The following APBA2 variants were observed in gnomAD, a reference collection of about 807,000 sequenced individuals.
The protein encoded by APBA2 is amyloid beta precursor protein binding family A member 2.
A neutral mutation model predicts 75.0 loss-of-function variants in APBA2; 30 were observed. That is an observed-to-expected ratio of 0.40 (90% CI 0.30 to 0.54). The LOEUF (loss-of-function observed/expected upper bound fraction) is 0.54. Ranked by LOEUF, APBA2 falls within the 20% of genes least tolerant of loss-of-function variation. The pLI, the probability that APBA2 is intolerant of heterozygous loss-of-function variation, is 0.49. For missense variants in APBA2, 801 were observed against 1,016.1 expected, an observed-to-expected ratio of 0.79 and a Z score of 2.88; for synonymous variants, 444 against 409.6, an observed-to-expected ratio of 1.08 and a Z score of -1.01.
At chr15:29,000,549 T>C (rs1161715967) in intron 3 of APBA2, among the ~76,000 whole-genome samples, 1 of 152,126 alleles carries the variant, frequency 6.6e-6, no homozygotes, top group African/African-American at 2.4e-5. Context: ...GGCCTCACCC[T>C]TGTACAGGTG....
intron 2 of APBA2, among the ~76,000 whole-genome samples, chr15:28,982,924 A>G (rs992673530): frequency 6.6e-6 from 1 of 152,240 alleles, no homozygotes; most frequent in Non-Finnish European, 1.5e-5. Flanking sequence ...GTCTATGTAG[A>G]AATGAAATAA....
chr15:28,965,623 G>A (rs997501500), intron 2 of APBA2, among the ~76,000 whole-genome samples: 1 of 151,946 alleles, frequency 6.6e-6, no homozygotes, highest in African/African-American at 2.4e-5. Context: ...TCAGTATTTA[G>A]GTCTTTGATT....
At chr15:28,989,472 C>T (rs1015677600) in intron 2 of APBA2, among the ~76,000 whole-genome samples, 3 of 152,188 alleles carry the variant, frequency 2.0e-5, no homozygotes, top group Middle Eastern at 6.3e-3. Context: ...TGTGGCCACA[C>T]GGGGCTGTAT....
intron 13 of APBA2, among the ~76,000 whole-genome samples, chr15:29,113,423 C>A (rs571466494): frequency 2.0e-5 from 3 of 152,294 alleles, no homozygotes; most frequent in Non-Finnish European, 2.9e-5. Flanking sequence ...GCAAACAGAG[C>A]CTTCCCTTGA....
At chr15:28,895,182 C>T (rs1567413878) in intron 1 of APBA2, among the ~76,000 whole-genome samples, 1 of 152,222 alleles carries the variant, frequency 6.6e-6, no homozygotes, top group Non-Finnish European at 1.5e-5. Context: ...AACTTACCCT[C>T]GGCACACAGG....
At chr15:29,073,857 A>T (rs2042731074) in intron 4 of APBA2, among the ~76,000 whole-genome samples, 1 of 152,184 alleles carries the variant, frequency 6.6e-6, no homozygotes, top group African/African-American at 2.4e-5. Flanking sequence ...AATATACCTA[A>T]CCTTAAATTT....
Position 29,054,703 on chromosome 15 carries a change from C to T in APBA2, c.819C>T (p.Ser273=). Residue 273 remains serine (S), a synonymous_variant, in exon 4 of 15, where the codon AGC becomes AGT. Coordinates refer to ENST00000683413, the MANE Select transcript of APBA2 (RefSeq NM_001353788.2). This position sits in a 1 kb window ranked among gnomAD's most constrained non-coding sequence, Gnocchi z 6.1. ...EACPPIKASC[S]PSRHEARPKS... is the part of the protein sequence containing the mutation. ...GCCCACCCATCAAGGCCAGCTGCAG[C>T]CCCAGCAGGCACGAGGCGAGGCCCA... The T allele has an allele frequency of 6.2e-7, 1 of 1,613,880 alleles. No homozygotes were observed. The highest frequency in any genetic ancestry group is 8.5e-7 in the Non-Finnish European group (1 of 1,180,002).
chr15:28,938,684 T>G (rs921426872), intron 2 of APBA2, among the ~76,000 whole-genome samples: 4 of 152,152 alleles, frequency 2.6e-5, no homozygotes, highest in Non-Finnish European at 4.4e-5. Context: ...AATTTTTGTA[T>G]TTTTAGTAGA....
At chr15:29,088,659 GCT>G (rs1197791317) in intron 6 of APBA2, among the ~76,000 whole-genome samples, 1 of 152,144 alleles carries the variant, frequency 6.6e-6, no homozygotes, top group Non-Finnish European at 1.5e-5. Flanking sequence ...CCTCTCAGCT[GCT>G]CTCCCTTCTT....
intron 2 of APBA2, among the ~76,000 whole-genome samples, chr15:28,932,103 C>G (rs1202754835): frequency 2.0e-5 from 3 of 152,146 alleles, no homozygotes; most frequent in African/African-American, 7.2e-5. Context: ...GGATCACTGT[C>G]TCTGCTTTGG....
At chr15:28,922,762 G>T (rs1308408704) in intron 2 of APBA2, among the ~76,000 whole-genome samples, 4 of 152,158 alleles carry the variant, frequency 2.6e-5, no homozygotes, top group Non-Finnish European at 4.4e-5. Flanking sequence ...ATCCTAACCT[G>T]CCCAGCCTGT....
intron 4 of APBA2, among the ~76,000 whole-genome samples, chr15:29,059,436 G>A (rs903553414): frequency 6.6e-6 from 1 of 152,118 alleles, no homozygotes; most frequent in African/African-American, 2.4e-5. Flanking sequence ...GTGGAGGAAT[G>A]GCTAAATTTG....
chr15:29,049,596 A>G (rs2041501459), intron 3 of APBA2, among the ~76,000 whole-genome samples: 1 of 151,842 alleles, frequency 6.6e-6, no homozygotes, highest in Admixed American at 6.6e-5. Flanking sequence ...AAATACAGGC[A>G]CCTCTTCACA....
At chr15:28,946,625 C>T (rs1173484715) in intron 2 of APBA2, among the ~76,000 whole-genome samples, 1 of 152,208 alleles carries the variant, frequency 6.6e-6, no homozygotes, top group African/African-American at 2.4e-5. Context: ...GTCATCCAGG[C>T]TGGAGTGCAG....
intron 3 of APBA2, among the ~76,000 whole-genome samples, chr15:29,020,174 GGT>G (rs2039878722): frequency 6.6e-6 from 1 of 151,940 alleles, no homozygotes; most frequent in Admixed American, 6.6e-5. Flanking sequence ...TGAGTGTTTG[GGT>G]GTGTGGGTAT....
At chr15:29,074,602 A>G (rs1595897251) in intron 4 of APBA2, among the ~76,000 whole-genome samples, 1 of 152,336 alleles carries the variant, frequency 6.6e-6, no homozygotes, top group Admixed American at 6.5e-5. Context: ...TGGTTGTACG[A>G]CAGTGTGAAT....
chr15:28,942,642 C>T (rs1222987837), intron 2 of APBA2, among the ~76,000 whole-genome samples: 3 of 152,276 alleles, frequency 2.0e-5, no homozygotes, highest in East Asian at 1.9e-4. Context: ...GCGCGGGATC[C>T]CCCACTTTCC....
At chr15:29,055,525 C>T (rs1486634872) in intron 4 of APBA2, among the ~76,000 whole-genome samples, 3 of 152,132 alleles carry the variant, frequency 2.0e-5, no homozygotes, top group Admixed American at 2.0e-4. Flanking sequence ...CCAAAAAAAG[C>T]CTCACTGTGA....
intron 3 of APBA2, among the ~76,000 whole-genome samples, chr15:28,997,660 C>T (rs1451216589): frequency 1.3e-5 from 2 of 152,150 alleles, no homozygotes; most frequent in South Asian, 2.1e-4. Flanking sequence ...GGCTTCTTGA[C>T]GTTTTCCTTA....
Sources: allele counts gnomAD v4.1 joint callset (sites outside exome capture counted in the v4.1 genomes callset), GRCh38; gene constraint gnomAD v4.1.1; non-coding constraint Gnocchi (gnomAD v3.1); transcripts MANE v1.5; gene names NCBI Gene and HGNC (gene_info 2026-07-23, HGNC 2026-07-21).